Variants in DHRSX observed in about 807,000 individuals in gnomAD.
The protein encoded by DHRSX is polyprenol dehydrogenase.
DHRSX carries 31 observed loss-of-function variants against 34.0 expected under a neutral mutation model. The ratio of observed to expected loss-of-function variants is 0.91; its 90% CI spans 0.69 to 1.23. DHRSX has a LOEUF of 1.23. DHRSX is among the 50% of genes most tolerant of loss of function. DHRSX has a pLI of 0.00. For missense variants in DHRSX, 414 were observed against 428.1 expected (o/e 0.97, Z 0.29); for synonymous variants, 201 against 183.8 (o/e 1.09, Z -0.76).
chrX:2,360,388 G>T (rs183645938), intron 3 of DHRSX, among the ~76,000 whole-genome samples: 18 of 152,238 alleles, frequency 1.2e-4, no homozygotes, highest in East Asian at 9.7e-4. Flanking sequence ...TTCAAGACCA[G>T]CCTGACCAAC....
At chrX:2,297,503 A>G (rs1300577608) in intron 3 of DHRSX, among the ~76,000 whole-genome samples, 1 of 152,156 alleles carries the variant, frequency 6.6e-6, no homozygotes, top group African/African-American at 2.4e-5. Context: ...CCTGGTCCTA[A>G]TCTCTAGAAC....
At chrX:2,266,697 C>G (rs1430133726) in intron 5 of DHRSX, 43 bp downstream of exon 5, 62 of 1,582,942 alleles carry the variant, frequency 3.9e-5, no homozygotes, top group Non-Finnish European at 5.0e-5. Flanking sequence ...TAACCTTTAA[C>G]CCACCTGAGA....
intron 3 of DHRSX, among the ~76,000 whole-genome samples, chrX:2,338,894 G>A (rs1012272013): frequency 1.2e-4 from 18 of 151,824 alleles, no homozygotes; most frequent in African/African-American, 2.4e-4. Flanking sequence ...AGTGATGACC[G>A]TCCTGACAAG....
At chrX:2,315,019 G>A (rs896512326) in intron 3 of DHRSX, among the ~76,000 whole-genome samples, 11 of 152,218 alleles carry the variant, frequency 7.2e-5, no homozygotes, top group Admixed American at 5.2e-4. Flanking sequence ...CTAGCCAGGC[G>A]TGGTGGCGCA....
At chrX:2,222,403 A>G (rs749143848) in intron 6 of DHRSX, among the ~76,000 whole-genome samples, 1 of 152,378 alleles carries the variant, frequency 6.6e-6, no homozygotes, top group East Asian at 1.9e-4. Flanking sequence ...GAAGCCATTT[A>G]GGAAACAGCA....
chrX:2,436,447 A>T (rs2043991760), intron 1 of DHRSX, among the ~76,000 whole-genome samples: 1 of 143,982 alleles, frequency 6.9e-6, no homozygotes, highest in Non-Finnish European at 1.5e-5. Context: ...AGCAGCAATT[A>T]CTTTTGCAGC....
chrX:2,299,499 T>G (rs1232715747), intron 3 of DHRSX, among the ~76,000 whole-genome samples: 2 of 152,166 alleles, frequency 1.3e-5, no homozygotes, highest in Middle Eastern at 3.4e-3. Context: ...TGCCAATAAC[T>G]CATCCAACTT....
At chrX:2,451,023 C>T (rs1289512099) in intron 1 of DHRSX, among the ~76,000 whole-genome samples, 3 of 152,092 alleles carry the variant, frequency 2.0e-5, no homozygotes, top group African/African-American at 4.8e-5. Flanking sequence ...ACACTGAATC[C>T]GCCACGATCT....
At chrX:2,468,443 C>A (rs2044531321) in intron 1 of DHRSX, among the ~76,000 whole-genome samples, 1 of 139,490 alleles carries the variant, frequency 7.2e-6, no homozygotes, top group Non-Finnish European at 1.6e-5. Flanking sequence ...TCAGAGACAC[C>A]CAATGAAGAA....
chrX:2,480,801 G>A (rs990304489), intron 1 of DHRSX, among the ~76,000 whole-genome samples: 9 of 151,378 alleles, frequency 5.9e-5, no homozygotes, highest in African/African-American at 2.2e-4. Flanking sequence ...CTGGGTGATA[G>A]GGTGAGACTG....
intron 1 of DHRSX, among the ~76,000 whole-genome samples, chrX:2,430,002 G>C (rs905738661): frequency 6.6e-6 from 1 of 152,242 alleles, no homozygotes; most frequent in Admixed American, 6.5e-5. Context: ...TAGGGGAAGA[G>C]ACAGTCCTGC....
chrX:2,354,947 G>A (rs1392568832), intron 3 of DHRSX, among the ~76,000 whole-genome samples: 1 of 152,066 alleles, frequency 6.6e-6, no homozygotes, highest in East Asian at 1.9e-4. Flanking sequence ...TATCCATCTT[G>A]GGACTCATGG....
At chrX:2,478,427 C>G (rs1019743268) in intron 1 of DHRSX, among the ~76,000 whole-genome samples, 2 of 152,174 alleles carry the variant, frequency 1.3e-5, no homozygotes, top group African/African-American at 4.8e-5. Flanking sequence ...CTTGTACAAA[C>G]TGAAGACGTT....
chrX:2,441,727 G>A (rs2044064706), intron 1 of DHRSX, among the ~76,000 whole-genome samples: 1 of 152,110 alleles, frequency 6.6e-6, no homozygotes, highest in Admixed American at 6.6e-5. Flanking sequence ...AAAGTCTACT[G>A]AAAATCTCAT....
intron 3 of DHRSX, among the ~76,000 whole-genome samples, chrX:2,297,813 G>A (rs969750244): frequency 4.7e-5 from 7 of 150,476 alleles, no homozygotes; most frequent in Non-Finnish European, 5.9e-5. Flanking sequence ...GGAATACAGC[G>A]GACAGATCTT....
intron 1 of DHRSX, among the ~76,000 whole-genome samples, chrX:2,484,884 G>A (rs769328230): frequency 2.6e-5 from 4 of 151,140 alleles, no homozygotes; most frequent in African/African-American, 9.7e-5. Context: ...GCAAATGAAC[G>A]TCACCACCGA....
intron 3 of DHRSX, among the ~76,000 whole-genome samples, chrX:2,315,088 G>T (rs2042226071): frequency 6.6e-6 from 1 of 152,124 alleles, no homozygotes; most frequent in Non-Finnish European, 1.5e-5. Flanking sequence ...AACCCGGGAG[G>T]TGGAGGTTGC....
intron 4 of DHRSX, among the ~76,000 whole-genome samples, chrX:2,284,562 G>A (rs1342186536): frequency 6.6e-6 from 1 of 152,200 alleles, no homozygotes; most frequent in Non-Finnish European, 1.5e-5. Context: ...ATAATGCTTA[G>A]TAATTCATTA....
Position 2,500,822 on chromosome X carries a change from TCCAGGAAGCC to T in DHRSX, c.94_103del (p.Gly32SerfsTer13), listed in dbSNP as rs2045409122. The T allele has an allele frequency of 4.5e-6, 5 of 1,100,016 alleles. No homozygotes were observed. Among genetic ancestry groups the T allele is most frequent in the Non-Finnish European group, 5.5e-6 (5 of 908,428 alleles). 68.1% of individuals were successfully genotyped at this position (1,100,016 alleles called of 1,614,324 possible). A position where few individuals can be genotyped will look rare whatever the true frequency, so the allele number is the denominator to read the frequency against. Reference sequence around the variant, plus strand: ...CCCTGCCCCGCCCCGCTGACCTGGCTCCAGGAAGCCCCCGCGGCAGCGCCGCAGCAGCTGC... The same window carrying T: ...CCCTGCCCCGCCCCGCTGACCTGGCTCCCGCGGCAGCGCCGCAGCAGCTGC... On this transcript the variant is annotated frameshift_variant, in exon 1 of 7. Transcript: ENST00000334651. LOFTEE classifies it high-confidence loss of function.
Sources: allele counts gnomAD v4.1 joint callset (sites outside exome capture counted in the v4.1 genomes callset), GRCh38; gene constraint gnomAD v4.1.1; transcripts MANE v1.5; gene names NCBI Gene and HGNC (gene_info 2026-07-23, HGNC 2026-07-21).